DLG1: variants seen among roughly 807,000 people sequenced by gnomAD.
DLG1 encodes the protein discs large MAGUK scaffold protein 1, also known as disks large homolog 1.
In DLG1, 42 loss-of-function variants were observed where a neutral mutation model predicts 123.4. The observed-to-expected ratio is 0.34, with a 90% confidence interval of 0.27 to 0.44. DLG1 has a LOEUF of 0.44. Ranked by LOEUF, DLG1 falls within the 20% of genes least tolerant of loss-of-function variation. The probability of loss-of-function intolerance (pLI) is 1.00; values close to 1 mark genes in which losing one functional copy is unlikely to be tolerated. For synonymous variants in DLG1, 317 were observed against 356.2 expected (o/e 0.89, Z 1.24); for missense variants, 942 against 1,082.6 (o/e 0.87, Z 1.82).
rs1730427543 is a variant in DLG1 at position 197,209,868 on chromosome 3, C to T, written c.319-15279G>A. 1.4e-5 allele frequency among the ~76,000 whole-genome samples: 2 copies of T among 146,548 alleles called. 1 individual carries two copies. ...ATTTAACCTTGCTTTTAGCTCCCTCCAAACCCTTGGAATGTCCTGATTGAA... is the reference window on the plus strand; with the variant it reads ...ATTTAACCTTGCTTTTAGCTCCCTCTAAACCCTTGGAATGTCCTGATTGAA... On this transcript the variant is annotated intron_variant, in intron 4 of 24. Transcript: ENST00000667157.
intron 14 of DLG1, among the ~76,000 whole-genome samples, chr3:197,100,086 G>A (rs947580051): frequency 6.6e-6 from 1 of 152,118 alleles, no homozygotes; most frequent in African/African-American, 2.4e-5. Context: ...CAGGCGCGTA[G>A]AAAAATACAG....
At chr3:197,180,857 T>C (rs375667610) in intron 5 of DLG1, among the ~76,000 whole-genome samples, 2 of 152,182 alleles carry the variant, frequency 1.3e-5, no homozygotes, top group East Asian at 1.9e-4. Flanking sequence ...TTAGGTGTCA[T>C]ATTTTGGAAG....
At chr3:197,114,967 G>C (rs1363578523) in intron 13 of DLG1, among the ~76,000 whole-genome samples, 1 of 119,262 alleles carries the variant, frequency 8.4e-6, no homozygotes, top group Non-Finnish European at 1.6e-5. Context: ...CTGGGCAACA[G>C]AGCGAGACTC....
chr3:197,109,732 T>C (rs779311929), intron 13 of DLG1, among the ~76,000 whole-genome samples: 2 of 152,214 alleles, frequency 1.3e-5, no homozygotes, highest in African/African-American at 2.4e-5. Context: ...ATGTCCTGAT[T>C]TCTTCTTTAT....
chr3:197,082,049 A>G (rs990714428), intron 16 of DLG1, among the ~76,000 whole-genome samples: 2 of 152,334 alleles, frequency 1.3e-5, no homozygotes, highest in Non-Finnish European at 1.5e-5. Flanking sequence ...CTATGGGTAC[A>G]GCAGGACCTT....
chr3:197,188,056 A>G (rs571951818), intron 5 of DLG1, among the ~76,000 whole-genome samples: 57 of 152,080 alleles, frequency 3.7e-4, no homozygotes, highest in Non-Finnish European at 6.2e-4. Context: ...CCACCACCAC[A>G]ATAATCTAAT....
rs1786180167 is a variant in DLG1 at position 197,138,411 on chromosome 3, T to C, written c.714-20A>G. On this transcript the variant is annotated intron_variant, in intron 8 of 24. Coordinates refer to ENST00000667157, the MANE Select transcript of DLG1 (RefSeq NM_001366207.1). The stretch of plus-strand genomic sequence containing the variant: ...TTGACCCTGAGAAAACAATTAAATA[T>C]TAAAAATAAAAATTAAATATAATTT... 7 of 1,253,380 alleles carry C rather than the reference T, an allele frequency of 5.6e-6. No homozygotes were observed. The highest frequency in any genetic ancestry group is 7.2e-6 in the Non-Finnish European group (7 of 969,542). The allele number at this position is 1,253,380 out of a possible 1,614,324, so 77.6% of individuals were successfully genotyped here.
At position 197,155,855 on chromosome 3, in the gene DLG1, G is replaced by A. The variant is rs117175342; in HGVS notation, c.484-6059C>T. Among the ~76,000 whole-genome samples the A allele has an allele frequency of 1.5e-3, 226 of 152,156 alleles. 3 individuals carry two copies. The East Asian group carries it at 0.031, about 21-fold the overall frequency. On this transcript the variant is annotated intron_variant, in intron 5 of 24. Transcript: ENST00000667157. ...TCATGGCTATTCAGGAGACTGAGGC[G>A]GGAGAATCGATTGGGCCCAAGAGGT...
intron 4 of DLG1, among the ~76,000 whole-genome samples, chr3:197,232,318 C>G (rs771653240): frequency 2.7e-5 from 4 of 146,344 alleles, no homozygotes; most frequent in African/African-American, 1.0e-4. Flanking sequence ...GAGCTATGAT[C>G]ACGCCACTGT....
chr3:197,283,184 T>C (rs1047336591), intron 3 of DLG1, among the ~76,000 whole-genome samples: 3 of 152,198 alleles, frequency 2.0e-5, no homozygotes, highest in African/African-American at 4.8e-5. Flanking sequence ...AAGGCTCAAG[T>C]ATAATACATA....
At chr3:197,220,591 A>G (rs1328605781) in intron 4 of DLG1, among the ~76,000 whole-genome samples, 1 of 152,212 alleles carries the variant, frequency 6.6e-6, no homozygotes, top group Non-Finnish European at 1.5e-5. Flanking sequence ...ACTATTTCCC[A>G]ATATATGAAA....
intron 10 of DLG1, among the ~76,000 whole-genome samples, chr3:197,133,673 T>C (rs1451229557): frequency 6.6e-6 from 1 of 152,114 alleles, no homozygotes; most frequent in African/African-American, 2.4e-5. Flanking sequence ...TGGGAGTGAA[T>C]AGTAAAAAGG....
At chr3:197,297,264 G>C in intron 1 of DLG1, 29 bp from the exon 2 acceptor site, 4 of 1,611,948 alleles carry the variant, frequency 2.5e-6, no homozygotes, top group Non-Finnish European at 2.5e-6. Context: ...AAAGGAAAAA[G>C]GATAGAATCA....
chr3:197,206,339 A>G (rs1242625344), intron 4 of DLG1, among the ~76,000 whole-genome samples: 3 of 152,172 alleles, frequency 2.0e-5, no homozygotes, highest in African/African-American at 7.2e-5. Flanking sequence ...TCACTCTGTT[A>G]CCAAGGCTGG....
At chr3:197,172,271 T>C (rs1196242416) in intron 5 of DLG1, among the ~76,000 whole-genome samples, 1 of 152,166 alleles carries the variant, frequency 6.6e-6, no homozygotes, top group Non-Finnish European at 1.5e-5. Flanking sequence ...AGAAGTATAA[T>C]ACATATAATT....
intron 4 of DLG1, among the ~76,000 whole-genome samples, chr3:197,214,322 G>A (rs1201599124): frequency 2.6e-5 from 4 of 152,178 alleles, no homozygotes; most frequent in South Asian, 2.1e-4. Flanking sequence ...AGGGCCAGGC[G>A]CGGTGGCTTT....
At chr3:197,267,902 G>A (rs574052768) in intron 4 of DLG1, among the ~76,000 whole-genome samples, 51 of 152,204 alleles carry the variant, frequency 3.4e-4, no homozygotes, top group African/African-American at 1.2e-3. Context: ...AAAATAAAGA[G>A]GGGAACAGAG....
intron 15 of DLG1, among the ~76,000 whole-genome samples, chr3:197,090,676 C>T (rs529413233): frequency 6.6e-6 from 1 of 152,084 alleles, no homozygotes; most frequent in African/African-American, 2.4e-5. Context: ...AAATTTCTTC[C>T]TTTATTATAT....
chr3:197,186,999 T>C (rs1213185866), intron 5 of DLG1, among the ~76,000 whole-genome samples: 1 of 152,166 alleles, frequency 6.6e-6, no homozygotes, highest in African/African-American at 2.4e-5. Context: ...GTAAATGCAA[T>C]ATAACAGGCA....
Sources: gnomAD v4.1 joint callset for allele counts (sites outside exome capture counted in the v4.1 genomes callset) on GRCh38, gnomAD v4.1.1 for gene constraint, MANE v1.5 for transcripts, NCBI Gene and HGNC (gene_info 2026-07-23, HGNC 2026-07-21) for gene names.